Variants in NR2E1 observed in about 807,000 individuals in gnomAD.
NR2E1 encodes nuclear receptor TLX.
In NR2E1, 5 loss-of-function variants were observed where a neutral mutation model predicts 43.6. The ratio of observed to expected loss-of-function variants is 0.11; its 90% CI spans 0.06 to 0.24. The LOEUF (loss-of-function observed/expected upper bound fraction) is 0.24. Among genes scored for constraint, NR2E1 ranks in the 10% least tolerant of loss-of-function variants. The probability of loss-of-function intolerance (pLI) is 1.00; values close to 1 mark genes in which losing one functional copy is unlikely to be tolerated. For synonymous variants in NR2E1, 191 were observed against 195.5 expected (o/e 0.98, Z 0.19); for missense variants, 287 against 496.7 (o/e 0.58, Z 4.01).
At chr6:108,167,925 C>A (rs558169796) in intron 1 of NR2E1, 2 of 1,287,920 alleles carry the variant, frequency 1.6e-6, no homozygotes, top group East Asian at 2.6e-5. Context: ...CGCCCTCCTA[C>A]CCCCCTCCAA....
chr6:108,180,013 C>A lies in NR2E1; in HGVS notation c.643-310C>A, dbSNP rs1421801360. Among the ~76,000 whole-genome samples the A allele has an allele frequency of 6.6e-6, 1 of 152,000 alleles. No individual in the cohort carries two copies. Among genetic ancestry groups the A allele is most frequent in the South Asian group, 2.1e-4 (1 of 4,818 alleles). ...GCTGAGCTGCTGGCATTTCATAAAG[C>A]CTCGCTCTCTAGAGGAGCTTCTAGG... is the stretch of plus-strand genomic sequence containing the variant. On this transcript the variant is annotated intron_variant, in intron 5 of 8. Coordinates refer to ENST00000368986, the MANE Select transcript of NR2E1 (RefSeq NM_003269.5). This position sits in a 1 kb window ranked among gnomAD's most constrained non-coding sequence, Gnocchi z 5.4.
At position 108,188,761 on chromosome 6, in the gene NR2E1, T is replaced by G. The variant is rs577995801; in HGVS notation, c.*1298T>G. 6.6e-6 allele frequency: 1 copy of G among 152,192 alleles called. No individual in the cohort carries two copies. 9.4% of individuals were successfully genotyped at this position (152,192 alleles called of 1,614,324 possible). ...TAACTGATTTGTGAAGTTAAAAGGT[T>G]GTACTCATTGTATTTACAAAGAATA... On this transcript the variant is annotated 3_prime_UTR_variant, in exon 9 of 9. Transcript: ENST00000368986.
At position 108,166,716 on chromosome 6, in the gene NR2E1, G is replaced by T; in HGVS notation, c.-50G>T. ...CCCGGCGGCGAGGCGGGCGCTGCCG[G>T]CCGGGACTCGGGCAGCGCCCACCAA... On this transcript the variant is annotated 5_prime_UTR_variant, in exon 1 of 9. Transcript: ENST00000368986. This position sits in a 1 kb window ranked among gnomAD's most constrained non-coding sequence, Gnocchi z 7.2. 1 of 1,502,278 alleles carries T rather than the reference G, an allele frequency of 6.7e-7. No individual in the cohort carries two copies. The highest frequency in any genetic ancestry group is 8.9e-7 in the Non-Finnish European group (1 of 1,127,994). 93.1% of individuals were successfully genotyped at this position (1,502,278 alleles called of 1,614,324 possible).
intron 4 of NR2E1, among the ~76,000 whole-genome samples, chr6:108,177,805 C>G (rs915752158): frequency 1.3e-5 from 2 of 152,192 alleles, no homozygotes; most frequent in African/African-American, 4.8e-5. Context: ...TGGCACTTGG[C>G]TCAGCCCAAG....
chr6:108,167,640 C>T (rs1023574998), intron 1 of NR2E1, among the ~76,000 whole-genome samples: 23 of 152,136 alleles, frequency 1.5e-4, no homozygotes, highest in Admixed American at 3.9e-4. Context: ...TCAGATCTCC[C>T]GGGGGCATTT....
chr6:108,171,708 C>T, intron 2 of NR2E1, 105 bp downstream of exon 2: 4 of 1,401,754 alleles, frequency 2.9e-6, no homozygotes, highest in Admixed American at 1.7e-5. Context: ...AGGAGAGACC[C>T]GGCCCTGACC....
chr6:108,183,623 A>T, intron 8 of NR2E1, among the ~76,000 whole-genome samples: 1 of 152,194 alleles, frequency 6.6e-6, no homozygotes. Context: ...GAGAAATCCC[A>T]AGTCAACTCT....
intron 8 of NR2E1, among the ~76,000 whole-genome samples, chr6:108,184,324 AGTTATT>A (rs549709821): frequency 2.0e-3 from 309 of 152,366 alleles, no homozygotes; most frequent in African/African-American, 7.1e-3. Context: ...CGTGGTATCC[AGTTATT>A]GATCCAGTCA....
At chr6:108,177,229 C>G (rs1773914462) in intron 4 of NR2E1, among the ~76,000 whole-genome samples, 1 of 152,216 alleles carries the variant, frequency 6.6e-6, no homozygotes, top group South Asian at 2.1e-4. Context: ...GAGTTTCTAA[C>G]GCAAGTGCGA....
At position 108,180,775 on chromosome 6, in the gene NR2E1, A is replaced by AC; in HGVS notation, c.740-32_740-31insC. On this transcript the variant is annotated intron_variant, in intron 6 of 8. Transcript: ENST00000368986. This position sits in a 1 kb window ranked among gnomAD's most constrained non-coding sequence, Gnocchi z 5.4. ...TATTAAATCATGAAAATGCCTTCAT[A>AC]TTAGAGTATTTATCCCATATTTTTA... 1 of 1,606,462 alleles carries AC rather than the reference A, an allele frequency of 6.2e-7. No homozygotes were observed. Among genetic ancestry groups the AC allele is most frequent in the Non-Finnish European group, 8.5e-7 (1 of 1,173,092 alleles).
chr6:108,175,126 G>C (rs1410825557), intron 3 of NR2E1, among the ~76,000 whole-genome samples: 4 of 152,178 alleles, frequency 2.6e-5, no homozygotes, highest in African/African-American at 4.8e-5. Context: ...CCCAGGGCAA[G>C]ACCCATGCCC....
intron 3 of NR2E1, among the ~76,000 whole-genome samples, chr6:108,175,587 T>C (rs1773882716): frequency 6.6e-6 from 1 of 152,052 alleles, no homozygotes; most frequent in South Asian, 2.1e-4. Context: ...GACGTCAGAG[T>C]GCTTCCTGGG....
chr6:108,176,366 C>T, intron 3 of NR2E1, 137 bp from the exon 4 acceptor site: 1 of 714,524 alleles, frequency 1.4e-6, no homozygotes, highest in Non-Finnish European at 2.4e-6. Context: ...CAGATTCCCT[C>T]TCCCTTCTTC....
At chr6:108,183,009 CCAT>C (rs1365758638) in intron 8 of NR2E1, among the ~76,000 whole-genome samples, 6 of 152,312 alleles carry the variant, frequency 3.9e-5, no homozygotes, top group African/African-American at 1.4e-4. Flanking sequence ...CCTAAAGAAG[CCAT>C]CTTTTCACCT....
intron 1 of NR2E1, among the ~76,000 whole-genome samples, chr6:108,168,476 G>A (rs892119911): frequency 6.6e-6 from 1 of 152,252 alleles, no homozygotes; most frequent in Non-Finnish European, 1.5e-5. Context: ...CTGTGGACTA[G>A]GAGGCAGGCC....
rs1427425752 is a variant in NR2E1 at position 108,169,454 on chromosome 6, C to T, written c.26-2004C>T. Among the ~76,000 whole-genome samples, 1 of 152,186 alleles carries T rather than the reference C, an allele frequency of 6.6e-6. No individual in the cohort carries two copies. The highest frequency in any genetic ancestry group is 1.5e-5 in the Non-Finnish European group (1 of 68,024). On this transcript the variant is annotated intron_variant, in intron 1 of 8. Coordinates refer to ENST00000368986, the MANE Select transcript of NR2E1 (RefSeq NM_003269.5). The surrounding 1 kb of genome is among the most constrained non-coding windows in gnomAD (Gnocchi z 6.1). ...GGAAAAAGAGACCCCACCACTGCTC[C>T]TCCCACTCACTCATCTTGGCATCTT...
intron 5 of NR2E1, 135 bp downstream of exon 5, chr6:108,178,376 C>T (rs1330214083): frequency 2.4e-6 from 2 of 838,816 alleles, no homozygotes; most frequent in Non-Finnish European, 4.0e-6. Flanking sequence ...GAGGAAACTA[C>T]TTGTTTTTAC....
At chr6:108,168,327 C>G (rs993799005) in intron 1 of NR2E1, among the ~76,000 whole-genome samples, 2 of 152,224 alleles carry the variant, frequency 1.3e-5, no homozygotes. Flanking sequence ...AGGCCCTCGC[C>G]TACACCCCTG....
At chr6:108,173,407 C>T (rs896183421) in intron 2 of NR2E1, among the ~76,000 whole-genome samples, 1 of 152,152 alleles carries the variant, frequency 6.6e-6, no homozygotes, top group Admixed American at 6.5e-5. Context: ...ACTTTGGACC[C>T]AAAAATTATC....
Sources: gnomAD v4.1 joint callset for allele counts (sites outside exome capture counted in the v4.1 genomes callset) on GRCh38, gnomAD v4.1.1 for gene constraint, Gnocchi (gnomAD v3.1) non-coding constraint, MANE v1.5 for transcripts, NCBI Gene and HGNC (gene_info 2026-07-23, HGNC 2026-07-21) for gene names.